The following FRZB variants were observed in gnomAD, a reference collection of about 807,000 sequenced individuals.
FRZB encodes the protein frizzled related protein, also known as secreted frizzled-related protein 3.
A neutral mutation model predicts 32.5 loss-of-function variants in FRZB; 34 were observed. The ratio of observed to expected loss-of-function variants is 1.05; its 90% confidence interval spans 0.80 to 1.39. The LOEUF (loss-of-function observed/expected upper bound fraction) is 1.39. Ranked by LOEUF, FRZB falls within the 40% of genes most tolerant of loss-of-function variation. The pLI is 0.00. For missense variants in FRZB, 423 were observed against 424.8 expected (o/e 1.00, Z 0.04); for synonymous variants, 170 against 159.2 (o/e 1.07, Z -0.51).
At chr2:182,857,444 A>C (rs1382804910) in intron 2 of FRZB, among the ~76,000 whole-genome samples, 1 of 151,958 alleles carries the variant, frequency 6.6e-6, no homozygotes, top group Non-Finnish European at 1.5e-5. Flanking sequence ...ACATGGTGAA[A>C]TCTTGTCTCT....
chr2:182,847,623 A>G (rs1187421199), intron 2 of FRZB, among the ~76,000 whole-genome samples: 2 of 152,162 alleles, frequency 1.3e-5, no homozygotes. Context: ...CAAGTTTGTA[A>G]ATTGGTTGGT....
rs991248617 is a variant in FRZB at position 182,866,004 on chromosome 2, G to T, written c.478+71C>A. 1.7e-6 allele frequency: 2 copies of T among 1,200,612 alleles called. No individual in the cohort carries two copies. Among genetic ancestry groups the T allele is most frequent in the Non-Finnish European group, 2.4e-6 (2 of 832,968 alleles). 74.4% of individuals were successfully genotyped at this position (1,200,612 alleles called of 1,614,324 possible). On this transcript the variant is annotated intron_variant, in intron 1 of 5. Transcript: ENST00000295113. This position sits in a 1 kb window ranked among gnomAD's most constrained non-coding sequence, Gnocchi z 4.5. ...AAGAGAAAAAAATTAGAGAGTAAAG[G>T]CTAGTAACAAGGACTCCAAGAATTG... is the stretch of plus-strand genomic sequence containing the variant.
chr2:182,844,010 A>C (rs1474991707), intron 2 of FRZB, among the ~76,000 whole-genome samples: 1 of 152,204 alleles, frequency 6.6e-6, no homozygotes, highest in Non-Finnish European at 1.5e-5. Context: ...TGTATTTTCT[A>C]ATGAAAATAA....
rs1559046156 is a variant in FRZB, at chr2:182,838,016, A to T, written c.798-5T>A. On this transcript the variant is annotated splice_polypyrimidine_tract_variant and splice_region_variant and intron_variant, in intron 4 of 5. Coordinates refer to ENST00000295113, the MANE Select transcript of FRZB (RefSeq NM_001463.4). Reference sequence around the variant, plus strand: ...GAGCCTTCCACCAAGAGTAATCTGTATTTTTGAAAGAAGCAAACATTTTTG... The same window carrying T: ...GAGCCTTCCACCAAGAGTAATCTGTTTTTTTGAAAGAAGCAAACATTTTTG... 6.2e-7 allele frequency: 1 copy of T among 1,609,192 alleles called. No homozygotes were observed. The highest frequency in any genetic ancestry group is 8.5e-7 in the Non-Finnish European group (1 of 1,177,442).
chr2:182,851,696 T>C (rs1695712542), intron 2 of FRZB, among the ~76,000 whole-genome samples: 1 of 151,918 alleles, frequency 6.6e-6, no homozygotes, highest in South Asian at 2.1e-4. Context: ...AAAAACAACT[T>C]CAGTAATTAA....
At chr2:182,861,580 C>T (rs923526038) in intron 1 of FRZB, among the ~76,000 whole-genome samples, 1 of 152,158 alleles carries the variant, frequency 6.6e-6, no homozygotes, top group Admixed American at 6.5e-5. Flanking sequence ...CAATGTCAAG[C>T]GACTAGTTCA....
intron 2 of FRZB, among the ~76,000 whole-genome samples, chr2:182,857,427 C>T (rs1322350012): frequency 1.3e-5 from 2 of 151,922 alleles, no homozygotes; most frequent in African/African-American, 4.8e-5. Flanking sequence ...TAGAGACCAG[C>T]TGGCCAACAT....
At chr2:182,858,907 A>G in intron 1 of FRZB, 74 bp from the exon 2 acceptor site, 1 of 1,257,678 alleles carries the variant, frequency 8.0e-7, no homozygotes, top group South Asian at 1.2e-5. Context: ...AATCTAACTC[A>G]GTCACAAGTT....
chr2:182,836,723 A>C (rs1382257281), intron 5 of FRZB, among the ~76,000 whole-genome samples: 1 of 152,080 alleles, frequency 6.6e-6, no homozygotes, highest in Non-Finnish European at 1.5e-5. Context: ...AACCAAATTA[A>C]AGACAGTAAG....
intron 2 of FRZB, among the ~76,000 whole-genome samples, chr2:182,843,013 G>C (rs542289050): frequency 4.3e-4 from 66 of 152,246 alleles, no homozygotes; most frequent in African/African-American, 1.5e-3. Context: ...AGATCTGAAA[G>C]CAACTCAAAG....
chr2:182,866,342 G>T lies in FRZB; in HGVS notation c.211C>A (p.Gln71Lys), dbSNP rs1360691422. 1.2e-6 allele frequency: 2 copies of T among 1,614,066 alleles called. No homozygotes were observed. Among genetic ancestry groups the T allele is most frequent in the Non-Finnish European group, 1.7e-6 (2 of 1,179,998 alleles). ...TQANAILAIE[Q>K]FEGLLGTHCS... ...TGGGTGCCCAGCAGACCTTCGAACTGCTCGATGGCCAGGATGGCGTTGGCC... is the reference window on the plus strand; with the variant it reads ...TGGGTGCCCAGCAGACCTTCGAACTTCTCGATGGCCAGGATGGCGTTGGCC... The change falls in exon 1 of 6, where the codon CAG (glutamine) becomes AAG (lysine). Residue 71 changes from glutamine (Q) to lysine (K), a missense_variant. Gln to Lys is a moderately conservative substitution (Grantham distance 53). Coordinates refer to ENST00000295113, the MANE Select transcript of FRZB (RefSeq NM_001463.4). This position sits in a 1 kb window ranked among gnomAD's most constrained non-coding sequence, Gnocchi z 4.5.
At chr2:182,862,040 A>G (rs1255263933) in intron 1 of FRZB, among the ~76,000 whole-genome samples, 1 of 151,910 alleles carries the variant, frequency 6.6e-6, no homozygotes, top group East Asian at 1.9e-4. Flanking sequence ...TCTCCTTTCC[A>G]TTTTCCTCCT....
At chr2:182,858,416 A>C (rs1182426005) in intron 2 of FRZB, among the ~76,000 whole-genome samples, 1 of 152,228 alleles carries the variant, frequency 6.6e-6, no homozygotes, top group African/African-American at 2.4e-5. Flanking sequence ...AATAGAGAAA[A>C]CTATAGTGAT....
intron 5 of FRZB, among the ~76,000 whole-genome samples, chr2:182,835,514 C>T (rs1695514912): frequency 6.6e-6 from 1 of 151,890 alleles, no homozygotes; most frequent in African/African-American, 2.4e-5. Context: ...CAGACAAGGT[C>T]CTGCCCTCGT....
intron 1 of FRZB, among the ~76,000 whole-genome samples, chr2:182,859,478 T>G (rs1347874388): frequency 2.0e-5 from 3 of 152,160 alleles, no homozygotes; most frequent in Non-Finnish European, 4.4e-5. Flanking sequence ...GAAAGCAGCC[T>G]CTAATGAATA....
At chr2:182,850,249 C>T (rs1695695439) in intron 2 of FRZB, among the ~76,000 whole-genome samples, 1 of 152,144 alleles carries the variant, frequency 6.6e-6, no homozygotes, top group African/African-American at 2.4e-5. Flanking sequence ...AATTATTGTA[C>T]ATATTGAAAT....
At position 182,866,217 on chromosome 2, in the gene FRZB, G is replaced by C; in HGVS notation, c.336C>G (p.Cys112Trp). 6.2e-7 allele frequency: 1 copy of C among 1,614,118 alleles called. No homozygotes were observed. Among genetic ancestry groups the C allele is most frequent in the Non-Finnish European group, 8.5e-7 (1 of 1,180,026 alleles). The stretch of plus-strand genomic sequence containing the variant: ...GCTCACAGCCCTGCCGGGCCCGCTC[G>C]CACACAGACTTACAGGGCTTGATGG... ...HEPIKPCKSV[C>W]ERARQGCEPI... is the part of the protein sequence containing the mutation. Residue 112 changes from cysteine to tryptophan, a missense_variant, in exon 1 of 6, where the codon TGC becomes TGG. Transcript: ENST00000295113. This position sits in a 1 kb window ranked among gnomAD's most constrained non-coding sequence, Gnocchi z 4.5.
intron 4 of FRZB, 84 bp downstream of exon 4, chr2:182,838,325 T>C (rs1457290629): frequency 8.7e-7 from 1 of 1,146,990 alleles, no homozygotes; most frequent in Non-Finnish European, 1.3e-6. Context: ...AATGTAAAAA[T>C]GCGAGGGTAG....
chr2:182,834,385 G>A lies in FRZB; in HGVS notation c.*464C>T, dbSNP rs112918301. The A allele has an allele frequency of 1.1e-3, 170 of 155,374 alleles. No homozygotes were observed. The highest frequency in any genetic ancestry group is 1.8e-3 in the Non-Finnish European group (125 of 69,946). The allele number at this position is 155,374 out of a possible 1,614,324, so 9.6% of individuals were successfully genotyped here. On this transcript the variant is annotated 3_prime_UTR_variant, in exon 6 of 6. Transcript: ENST00000295113. The stretch of plus-strand genomic sequence containing the variant: ...ATTTGGAACTTTCTAAGCATGAGGA[G>A]AATGCCCAAAAGGCATACAAAAATA...
Sources: gnomAD v4.1 joint callset for allele counts (sites outside exome capture counted in the v4.1 genomes callset) on GRCh38, gnomAD v4.1.1 for gene constraint, Gnocchi (gnomAD v3.1) non-coding constraint, MANE v1.5 for transcripts, NCBI Gene and HGNC (gene_info 2026-07-23, HGNC 2026-07-21) for gene names.